Variants in NAV1 observed in about 807,000 individuals in gnomAD.
The protein encoded by NAV1 is neuron navigator 1.
In NAV1, 18 loss-of-function variants were observed where a neutral mutation model predicts 175.2. The observed-to-expected ratio is 0.10, with a 90% CI of 0.07 to 0.15. The LOEUF (loss-of-function observed/expected upper bound fraction) is 0.15, where lower values mean the gene tolerates loss of function less well. NAV1 is among the 10% of genes least tolerant of loss of function. NAV1 has a pLI of 1.00. For synonymous variants in NAV1, 897 were observed against 978.7 expected, an observed-to-expected ratio of 0.92 and a Z score of 1.56; for missense variants, 1,731 against 2,436.6, an observed-to-expected ratio of 0.71 and a Z score of 6.10.
At chr1:201,648,817 C>CCGG (rs561927033) in exon 1 of NAV1, 29,587 of 1,582,236 alleles carry the variant, frequency 0.019, 351 homozygotes, top group Non-Finnish European at 0.023. Context: ...GCCAAGGCGC[C>CCGG]CGGCGGCGGC....
At chr1:201,704,832 A>G (rs1671598090) in intron 1 of NAV1, among the ~76,000 whole-genome samples, 1 of 152,210 alleles carries the variant, frequency 6.6e-6, no homozygotes, top group South Asian at 2.1e-4. Context: ...GTACAAAACC[A>G]TAGAACCAGA....
At chr1:201,655,004 T>C (rs796797506) in intron 1 of NAV1, among the ~76,000 whole-genome samples, 13 of 152,296 alleles carry the variant, frequency 8.5e-5, no homozygotes, top group African/African-American at 2.9e-4. Flanking sequence ...TTTCTTATAT[T>C]TGGGGTCAGA....
chr1:201,626,157 G>A (rs536674837), intron 1 of NAV1, among the ~76,000 whole-genome samples: 20 of 152,352 alleles, frequency 1.3e-4, no homozygotes, highest in Admixed American at 3.9e-4. Context: ...GCAGGGCCTA[G>A]AGCTGCTGCC....
chr1:201,577,108 C>T (rs2102185028), intron 1 of NAV1, among the ~76,000 whole-genome samples: 1 of 152,284 alleles, frequency 6.6e-6, no homozygotes, highest in East Asian at 1.9e-4. Flanking sequence ...CCATCTTAGC[C>T]TCCCAAGTGC....
chr1:201,584,126 T>G (rs541306197), intron 1 of NAV1, among the ~76,000 whole-genome samples: 1 of 152,230 alleles, frequency 6.6e-6, no homozygotes, highest in African/African-American at 2.4e-5. Flanking sequence ...ACATGTGTTG[T>G]TATTTCCACT....
intron 3 of NAV1, among the ~76,000 whole-genome samples, chr1:201,761,776 A>G (rs1205888790): frequency 6.6e-6 from 1 of 152,210 alleles, no homozygotes; most frequent in African/African-American, 2.4e-5. Flanking sequence ...AGGATTGGCA[A>G]TGACGTACAA....
chr1:201,614,415 G>C (rs1425118019), intron 2 of NAV1, among the ~76,000 whole-genome samples: 1 of 152,206 alleles, frequency 6.6e-6, no homozygotes, highest in African/African-American at 2.4e-5. Flanking sequence ...AAGGGCGGTG[G>C]AGAGCGGGGC....
chr1:201,718,783 G>A lies in NAV1; in HGVS notation c.1226+28G>A, dbSNP rs773278160. ...AAGCGCAGGGGCTTCTTGGATGGCG[G>A]GGGAGGATGGTGGAAAGACCACTGG... On this transcript the variant is annotated intron_variant, in intron 3 of 29. Coordinates refer to ENST00000367296, the Ensembl canonical transcript of NAV1. This position sits in a 1 kb window ranked among gnomAD's most constrained non-coding sequence, Gnocchi z 4.8. 1 of 1,574,072 alleles carries A rather than the reference G, an allele frequency of 6.4e-7. No homozygotes were observed. The highest frequency in any genetic ancestry group is 1.7e-5 in the Admixed American group (1 of 57,836).
At chr1:201,664,683 AC>A (rs1336345954) in intron 1 of NAV1, among the ~76,000 whole-genome samples, 1 of 151,992 alleles carries the variant, frequency 6.6e-6, no homozygotes, top group African/African-American at 2.4e-5. Flanking sequence ...TCGACAACCC[AC>A]TGGTTGGTTG....
chr1:201,573,326 CGTGT>C (rs149557758), intron 1 of NAV1, among the ~76,000 whole-genome samples: 2 of 150,768 alleles, frequency 1.3e-5, no homozygotes, highest in South Asian at 2.1e-4. Context: ...TGTGTGTATG[CGTGT>C]GTGTGTGTGT....
At chr1:201,622,156 T>G (rs1232562690), upstream of NAV1, among the ~76,000 whole-genome samples, 162 of 96,646 alleles carry the variant, frequency 1.7e-3, no homozygotes, top group African/African-American at 2.4e-3. Context: ...TGGGGGGAGG[T>G]GGGTAGGGAA....
At chr1:201,571,971 C>G (rs1263022529) in intron 1 of NAV1, among the ~76,000 whole-genome samples, 2 of 152,122 alleles carry the variant, frequency 1.3e-5, no homozygotes, top group African/African-American at 2.4e-5. Flanking sequence ...CCTAATGCAC[C>G]CATAAGGAAT....
intron 15 of NAV1, among the ~76,000 whole-genome samples, chr1:201,800,840 T>TTTTA (rs1677815066): frequency 6.9e-6 from 1 of 144,392 alleles, no homozygotes; most frequent in Non-Finnish European, 1.5e-5. Flanking sequence ...TTTTTTTTTT[T>TTTTA]TAGACAGGGT....
At chr1:201,771,797 T>C (rs1353691348) in intron 3 of NAV1, among the ~76,000 whole-genome samples, 1 of 152,206 alleles carries the variant, frequency 6.6e-6, no homozygotes, top group Non-Finnish European at 1.5e-5. Context: ...TGTAAAATCC[T>C]TTTTATAAAT....
Position 201,810,821 on chromosome 1 carries a change from C to A in NAV1, c.4797+63C>A. 1 of 1,258,796 alleles carries A rather than the reference C, an allele frequency of 7.9e-7. No homozygotes were observed. Among genetic ancestry groups the A allele is most frequent in the Non-Finnish European group, 1.1e-6 (1 of 879,334 alleles). The allele number at this position is 1,258,796 out of a possible 1,614,324, so 78.0% of individuals were successfully genotyped here. On this transcript the variant is annotated intron_variant, in intron 24 of 29. Transcript: ENST00000367296. The surrounding 1 kb of genome is among the most constrained non-coding windows in gnomAD (Gnocchi z 6.0). ...TGCCTCAGCCTTCCCTAAGACCCTT[C>A]CTCGGCCCCTTCCTGCCTCATTGTT...
At chr1:201,706,278 T>TGA (rs902911361) in intron 1 of NAV1, among the ~76,000 whole-genome samples, 2 of 151,920 alleles carry the variant, frequency 1.3e-5, no homozygotes, top group Non-Finnish European at 2.9e-5. Flanking sequence ...TGTGTGTGTG[T>TGA]GTCTGTGTGT....
At chr1:201,567,648 G>T (rs1443216201) in intron 1 of NAV1, among the ~76,000 whole-genome samples, 1 of 152,146 alleles carries the variant, frequency 6.6e-6, no homozygotes, top group Non-Finnish European at 1.5e-5. Flanking sequence ...AACTCACAGT[G>T]CCCTGGGGTC....
intron 3 of NAV1, among the ~76,000 whole-genome samples, chr1:201,757,752 G>A (rs1446318522): frequency 6.6e-6 from 1 of 152,190 alleles, no homozygotes; most frequent in Admixed American, 6.5e-5. Flanking sequence ...CTAAGCTGTG[G>A]GGCATCAGAG....
At chr1:201,792,792 T>C (rs774077919) in intron 13 of NAV1, 1 of 152,206 alleles carries the variant, frequency 6.6e-6, no homozygotes, top group Non-Finnish European at 1.5e-5. Context: ...ACTAAAGGGA[T>C]TGCCTCCAGC....
Sources: gnomAD v4.1 joint callset for allele counts (sites outside exome capture counted in the v4.1 genomes callset) on GRCh38, gnomAD v4.1.1 for gene constraint, Gnocchi (gnomAD v3.1) non-coding constraint, MANE v1.5 for transcripts, NCBI Gene and HGNC (gene_info 2026-07-23, HGNC 2026-07-21) for gene names.